Variants in CSMD1 observed in about 807,000 individuals in gnomAD.
CSMD1 encodes CUB and Sushi multiple domains 1, also known as CUB and sushi domain-containing protein 1.
A neutral mutation model predicts 417.5 loss-of-function variants in CSMD1; 213 were observed. That is an observed-to-expected ratio of 0.51 (90% CI 0.46 to 0.57). The LOEUF (loss-of-function observed/expected upper bound fraction) is 0.57. CSMD1 is among the 20% of genes least tolerant of loss of function. CSMD1 has a pLI of 0.00. For synonymous variants in CSMD1, 2,862 were observed against 1,736.8 expected (o/e 1.65, Z -16.11); for missense variants, 6,923 against 4,529.7 (o/e 1.53, Z -15.17).
At chr8:4,647,387 C>T (rs1195417011) in intron 1 of CSMD1, among the ~76,000 whole-genome samples, 1 of 151,246 alleles carries the variant, frequency 6.6e-6, no homozygotes. Flanking sequence ...TACGCGTGTG[C>T]CACGGAGGTC....
intron 3 of CSMD1, among the ~76,000 whole-genome samples, chr8:4,327,078 G>A (rs1799602021): frequency 6.6e-6 from 1 of 152,012 alleles, no homozygotes; most frequent in Admixed American, 6.6e-5. Context: ...AAGAGATGAG[G>A]TTGTAGCATA....
intron 1 of CSMD1, among the ~76,000 whole-genome samples, chr8:4,801,864 T>C (rs536351401): frequency 6.6e-6 from 1 of 152,342 alleles, no homozygotes; most frequent in East Asian, 1.9e-4. Context: ...CTACTGAGAC[T>C]TGGCAAGCCC....
At chr8:3,234,024 A>T (rs772795841) in intron 26 of CSMD1, among the ~76,000 whole-genome samples, 1 of 152,038 alleles carries the variant, frequency 6.6e-6, no homozygotes, top group Non-Finnish European at 1.5e-5. Context: ...TGAGTAGAAC[A>T]CCCTTTGGTG....
intron 2 of CSMD1, among the ~76,000 whole-genome samples, chr8:4,475,443 C>T (rs1221570419): frequency 6.6e-6 from 1 of 152,088 alleles, no homozygotes; most frequent in Non-Finnish European, 1.5e-5. Context: ...CCTGTGGCAT[C>T]ATATGGAAGG....
At chr8:3,046,104 C>T (rs953752709) in intron 50 of CSMD1, among the ~76,000 whole-genome samples, 2 of 152,138 alleles carry the variant, frequency 1.3e-5, no homozygotes, top group African/African-American at 4.8e-5. Context: ...TTTCTTCTAC[C>T]GCCATGGAAC....
At chr8:2,969,206 T>C (rs891474531) in intron 57 of CSMD1, among the ~76,000 whole-genome samples, 1 of 152,142 alleles carries the variant, frequency 6.6e-6, no homozygotes, top group African/African-American at 2.4e-5. Context: ...ATCTGATGTA[T>C]TAGTGGTAGC....
intron 18 of CSMD1, among the ~76,000 whole-genome samples, chr8:3,386,308 C>G (rs1219270385): frequency 6.6e-6 from 1 of 152,198 alleles, no homozygotes; most frequent in African/African-American, 2.4e-5. Context: ...CTTTCTCAGC[C>G]TGCTCGTGTG....
chr8:4,427,308 C>G (rs184159791), intron 2 of CSMD1, among the ~76,000 whole-genome samples: 1 of 152,086 alleles, frequency 6.6e-6, no homozygotes, highest in South Asian at 2.1e-4. Flanking sequence ...GTACTGTTGA[C>G]AAAATACTGG....
At chr8:3,515,517 G>A (rs1797247964) in intron 10 of CSMD1, among the ~76,000 whole-genome samples, 1 of 152,152 alleles carries the variant, frequency 6.6e-6, no homozygotes, top group Admixed American at 6.5e-5. Context: ...TAAAAAAATG[G>A]TTGGCAACTG....
intron 2 of CSMD1, among the ~76,000 whole-genome samples, chr8:4,490,545 G>A (rs186099763): frequency 1.3e-5 from 2 of 152,060 alleles, no homozygotes; most frequent in Non-Finnish European, 2.9e-5. Context: ...AACTGTCATA[G>A]ATGCTAAGGA....
chr8:4,055,117 A>T (rs1322757287), intron 3 of CSMD1, among the ~76,000 whole-genome samples: 4 of 152,210 alleles, frequency 2.6e-5, no homozygotes, highest in African/African-American at 9.6e-5. Context: ...AGCTTTGTGT[A>T]GTAGATGATA....
chr8:4,770,527 C>T (rs1483081404), intron 1 of CSMD1, among the ~76,000 whole-genome samples: 1 of 151,150 alleles, frequency 6.6e-6, no homozygotes, highest in African/African-American at 2.4e-5. Context: ...AGAAAAAAAT[C>T]AAAAGTTGAA....
intron 6 of CSMD1, among the ~76,000 whole-genome samples, chr8:3,733,482 T>G (rs1317920360): frequency 1.3e-5 from 2 of 151,760 alleles, no homozygotes; most frequent in Non-Finnish European, 2.9e-5. Context: ...CTTTCAACGG[T>G]TTCAGTTACC....
chr8:4,309,117 A>G lies in CSMD1; in HGVS notation c.415+110836T>C, dbSNP rs373574700. Among the ~76,000 whole-genome samples the G allele has an allele frequency of 2.7e-3, 417 of 152,246 alleles. 16 individuals carry two copies. The South Asian group carries it at 0.083, about 30-fold the overall frequency. On this transcript the variant is annotated intron_variant, in intron 3 of 69. Coordinates refer to ENST00000635120, the MANE Select transcript of CSMD1 (RefSeq NM_033225.6). ...TCACTTGTTCTATCTAGTTTAATCA[A>G]TGTCAGGGTGTACTTTGCACACACA...
At chr8:4,714,143 T>A (rs1447157404) in intron 1 of CSMD1, among the ~76,000 whole-genome samples, 4 of 151,502 alleles carry the variant, frequency 2.6e-5, no homozygotes, top group African/African-American at 7.3e-5. Context: ...CGACTCTGTC[T>A]CAAAAAGAAA....
rs114475267 is a variant in CSMD1 at position 4,617,652 on chromosome 8, T to G, written c.302+19690A>C. 5.6e-3 allele frequency among the ~76,000 whole-genome samples: 850 copies of G among 152,300 alleles called. 8 individuals carry two copies. The highest frequency in any genetic ancestry group is 0.02 in the African/African-American group (814 of 41,552). The stretch of plus-strand genomic sequence containing the variant: ...TACTCTTCCCAGATCTCCATGTGGC[T>G]GAAGTCTCATTGTTTAGGTTTCAGA... On this transcript the variant is annotated intron_variant, in intron 2 of 69. Transcript: ENST00000635120.
intron 5 of CSMD1, among the ~76,000 whole-genome samples, chr8:3,903,874 A>G (rs1288703828): frequency 2.7e-5 from 4 of 150,850 alleles, no homozygotes; most frequent in Non-Finnish European, 5.9e-5. Context: ...ATTGCCATAT[A>G]TATATATTTT....
intron 5 of CSMD1, among the ~76,000 whole-genome samples, chr8:3,848,026 C>T (rs867585340): frequency 1.3e-5 from 2 of 151,886 alleles, no homozygotes; most frequent in South Asian, 2.1e-4. Flanking sequence ...TTTCCTGACA[C>T]ATGTTTTTAT....
chr8:4,700,963 C>T (rs774388243), intron 1 of CSMD1, among the ~76,000 whole-genome samples: 28 of 152,090 alleles, frequency 1.8e-4, no homozygotes, highest in Non-Finnish European at 3.4e-4. Flanking sequence ...CGGTCTCCTG[C>T]ATGTACATAC....
Sources: allele counts gnomAD v4.1 joint callset (sites outside exome capture counted in the v4.1 genomes callset), GRCh38; gene constraint gnomAD v4.1.1; transcripts MANE v1.5; gene names NCBI Gene and HGNC (gene_info 2026-07-23, HGNC 2026-07-21).